The following RNFT2 variants were observed in gnomAD, a reference collection of about 807,000 sequenced individuals.
RNFT2 encodes the protein E3 ubiquitin-protein ligase RNFT2.
Under a neutral mutation model 53.0 loss-of-function variants are expected in RNFT2, and 36 were observed. The ratio of observed to expected loss-of-function variants is 0.68; its 90% CI spans 0.52 to 0.90. The LOEUF is 0.90. Ranked by LOEUF, RNFT2 falls within the 40% of genes least tolerant of loss-of-function variation. RNFT2 has a pLI of 0.00. For synonymous variants in RNFT2, 260 were observed against 253.2 expected (o/e 1.03, Z -0.26); for missense variants, 514 against 585.6 (o/e 0.88, Z 1.26).
At chr12:116,810,844 TC>T (rs971735591) in intron 7 of RNFT2, among the ~76,000 whole-genome samples, 3 of 152,162 alleles carry the variant, frequency 2.0e-5, no homozygotes, top group Non-Finnish European at 4.4e-5. Flanking sequence ...CTACCCTGCT[TC>T]CATATTTCCC....
intron 6 of RNFT2, among the ~76,000 whole-genome samples, chr12:116,774,549 G>A (rs1433209130): frequency 6.6e-6 from 1 of 152,184 alleles, no homozygotes; most frequent in Non-Finnish European, 1.5e-5. Flanking sequence ...TTCTTTTGTG[G>A]ATGGTTGGGG....
At chr12:116,816,499 G>A (rs574875607) in intron 7 of RNFT2, among the ~76,000 whole-genome samples, 26 of 152,284 alleles carry the variant, frequency 1.7e-4, no homozygotes, top group African/African-American at 5.8e-4. Flanking sequence ...ATCTTTATAG[G>A]AAATTGGGGG....
At position 116,806,380 on chromosome 12, in the gene RNFT2, AAAT is replaced by A. The variant is rs1370269580; in HGVS notation, c.882+27034_882+27036del. Among the ~76,000 whole-genome samples, 58 of 131,328 alleles carry A rather than the reference AAAT, an allele frequency of 4.4e-4. 1 individual carries two copies. The highest frequency in any genetic ancestry group is 1.7e-3 in the African/African-American group (54 of 31,030). The allele number at this position is 131,328 out of a possible 152,430, so 86.2% of individuals were successfully genotyped here. A position where few individuals can be genotyped will look rare whatever the true frequency, so the allele number is the denominator to read the frequency against. ...GTGAGACTGTCTCAAAAAAAAAAAA[AAAT>A]ATATATATATATATATAGATAGATA... On this transcript the variant is annotated intron_variant, in intron 7 of 10. Transcript: ENST00000257575.
intron 2 of RNFT2, chr12:116,740,825 G>A: frequency 1.6e-6 from 1 of 627,164 alleles, no homozygotes; most frequent in Non-Finnish European, 2.9e-6. Context: ...GTCCTCCTCT[G>A]TGAAATGGGG....
chr12:116,853,143 A>G lies in RNFT2; in HGVS notation c.*3695A>G. ...CAGTGTCTGATGAGGAGTGTTTCCAACACAGGCTACATGAATTCCCCTATA... is the reference window on the plus strand; with the variant it reads ...CAGTGTCTGATGAGGAGTGTTTCCAGCACAGGCTACATGAATTCCCCTATA... On this transcript the variant is annotated 3_prime_UTR_variant, in exon 11 of 11. Transcript: ENST00000257575. 2.4e-6 allele frequency: 1 copy of G among 412,618 alleles called. No individual in the cohort carries two copies. The highest frequency in any genetic ancestry group is 3.5e-5 in the East Asian group (1 of 28,772). The allele number at this position is 412,618 out of a possible 1,614,324, so 25.6% of individuals were successfully genotyped here.
chr12:116,823,555 A>C (rs1006171463), intron 7 of RNFT2, among the ~76,000 whole-genome samples: 1 of 152,186 alleles, frequency 6.6e-6, no homozygotes, highest in African/African-American at 2.4e-5. Flanking sequence ...GCCGTGGCGC[A>C]TACCTATAAT....
intron 8 of RNFT2, 110 bp downstream of exon 8, chr12:116,834,051 AT>A: frequency 1.1e-6 from 1 of 890,032 alleles, no homozygotes; most frequent in Non-Finnish European, 1.5e-6. Context: ...TTATTTATTT[AT>A]TTATTTTAAT....
At chr12:116,837,383 C>T (rs754058414) in intron 10 of RNFT2, among the ~76,000 whole-genome samples, 6 of 151,798 alleles carry the variant, frequency 4.0e-5, no homozygotes, top group African/African-American at 9.7e-5. Context: ...TGCAGTGTCT[C>T]GGGGGACTGA....
chr12:116,750,898 A>AT (rs1486440301), intron 4 of RNFT2, among the ~76,000 whole-genome samples: 8 of 7,946 alleles, frequency 1.0e-3, no homozygotes, highest in Admixed American at 5.1e-3. Context: ...TATAATATAT[A>AT]TATATATATA....
chr12:116,842,299 G>T (rs893670775), intron 10 of RNFT2, among the ~76,000 whole-genome samples: 2 of 151,932 alleles, frequency 1.3e-5, no homozygotes, highest in Non-Finnish European at 2.9e-5. Context: ...GTCACTAGGC[G>T]CCACCCTTAC....
At chr12:116,819,653 C>T (rs1875900799) in intron 7 of RNFT2, among the ~76,000 whole-genome samples, 1 of 152,174 alleles carries the variant, frequency 6.6e-6, no homozygotes, top group Admixed American at 6.5e-5. Flanking sequence ...AGGCAACGCG[C>T]GGCCACCAGC....
intron 3 of RNFT2, among the ~76,000 whole-genome samples, chr12:116,749,288 A>C (rs200244608): frequency 0.28 from 3,152 of 11,074 alleles, 167 homozygotes; most frequent in East Asian, 0.55. Context: ...TTCCCCCCCC[A>C]CCACCCCTTT....
intron 7 of RNFT2, among the ~76,000 whole-genome samples, chr12:116,801,823 T>A (rs980257287): frequency 2.6e-5 from 4 of 151,900 alleles, no homozygotes; most frequent in African/African-American, 9.7e-5. Context: ...TTTGTTTGTT[T>A]GTTTGTTTGT....
intron 7 of RNFT2, among the ~76,000 whole-genome samples, chr12:116,828,496 A>G (rs896804884): frequency 1.3e-5 from 2 of 152,132 alleles, no homozygotes; most frequent in African/African-American, 4.8e-5. Flanking sequence ...GAGTTCTACC[A>G]CACTGTATTA....
In RNFT2 at chr12:116,845,243, C is replaced by CAAAAAAAA. The variant is rs66920809; in HGVS notation, c.1201-4062_1201-4055dup. Among the ~76,000 whole-genome samples, 24 of 82,740 alleles carry CAAAAAAAA rather than the reference C, an allele frequency of 2.9e-4. No individual in the cohort carries two copies. In the East Asian group the frequency reaches 4.2e-3, roughly 14 times the overall value. The allele number at this position is 82,740 out of a possible 152,430, so 54.3% of individuals were successfully genotyped here. On this transcript the variant is annotated intron_variant, in intron 10 of 10. Coordinates refer to ENST00000257575, the MANE Select transcript of RNFT2 (RefSeq NM_001382266.1). ...TGGATGACAGAGCAAGACCCGGTTT[C>CAAAAAAAA]AAAAAAAAAAAAAAAATATATATAT...
intron 6 of RNFT2, among the ~76,000 whole-genome samples, chr12:116,767,168 A>G (rs1342807360): frequency 2.6e-5 from 4 of 152,156 alleles, no homozygotes; most frequent in African/African-American, 9.7e-5. Context: ...AATTATAATA[A>G]TTGATTTTAT....
chr12:116,752,255 C>T (rs1441737528), intron 4 of RNFT2, among the ~76,000 whole-genome samples: 1 of 151,922 alleles, frequency 6.6e-6, no homozygotes, highest in Non-Finnish European at 1.5e-5. Context: ...TTATTTTCTT[C>T]TTTCTGGTGA....
At position 116,852,764 on chromosome 12, in the gene RNFT2, C is replaced by T. The variant is rs58951469; in HGVS notation, c.*3316C>T. On this transcript the variant is annotated 3_prime_UTR_variant, in exon 11 of 11. Coordinates refer to ENST00000257575, the MANE Select transcript of RNFT2 (RefSeq NM_001382266.1). ...AGACCTGGAATTCTGATTCCAAACT[C>T]TTTATTACTTTGGGAAGTCACTCAG... is the stretch of plus-strand genomic sequence containing the variant. The T allele has an allele frequency of 0.016, 24,500 of 1,577,268 alleles. 538 individuals carry two copies. Among genetic ancestry groups the T allele is most frequent in the African/African-American group, 0.1 (7,550 of 74,278 alleles).
At chr12:116,780,807 G>C (rs1873662966) in intron 7 of RNFT2, among the ~76,000 whole-genome samples, 1 of 152,104 alleles carries the variant, frequency 6.6e-6, no homozygotes, top group Non-Finnish European at 1.5e-5. Flanking sequence ...GCTCATGCAG[G>C]GTTCCAGGTC....
Sources: allele counts gnomAD v4.1 joint callset (sites outside exome capture counted in the v4.1 genomes callset), GRCh38; gene constraint gnomAD v4.1.1; transcripts MANE v1.5; gene names NCBI Gene and HGNC (gene_info 2026-07-23, HGNC 2026-07-21).